TMEM65: variants seen among roughly 807,000 people sequenced by gnomAD.
TMEM65 encodes the protein transmembrane protein 65.
In TMEM65, 22 loss-of-function variants were observed where a neutral mutation model predicts 25.4. The observed-to-expected ratio is 0.86, with a 90% confidence interval of 0.62 to 1.23. The LOEUF is 1.23. TMEM65 is among the 50% of genes most tolerant of loss of function. The pLI, the probability that TMEM65 is intolerant of heterozygous loss-of-function variation, is 0.00. For synonymous variants in TMEM65, 132 were observed against 126.2 expected, an observed-to-expected ratio of 1.05 and a Z score of -0.31; for missense variants, 262 against 308.2, an observed-to-expected ratio of 0.85 and a Z score of 1.12.
At chr8:124,356,156 C>G (rs1814777889) in intron 1 of TMEM65, among the ~76,000 whole-genome samples, 1 of 152,088 alleles carries the variant, frequency 6.6e-6, no homozygotes, top group Non-Finnish European at 1.5e-5. Context: ...ATTACCCAGT[C>G]TCAGGTTATT....
At chr8:124,360,169 G>A (rs778850585) in intron 1 of TMEM65, among the ~76,000 whole-genome samples, 4 of 152,026 alleles carry the variant, frequency 2.6e-5, no homozygotes, top group African/African-American at 4.8e-5. Context: ...AGTGGCACAC[G>A]CCTGTAATCC....
intron 6 of TMEM65, among the ~76,000 whole-genome samples, chr8:124,317,939 G>A (rs948882533): frequency 3.9e-5 from 6 of 152,100 alleles, no homozygotes; most frequent in East Asian, 1.9e-4. Flanking sequence ...CACATTGGAA[G>A]AAGAAGAATT....
intron 1 of TMEM65, among the ~76,000 whole-genome samples, chr8:124,341,465 T>A (rs1314570193): frequency 6.6e-6 from 1 of 152,038 alleles, no homozygotes. Flanking sequence ...ACAGTAAGAA[T>A]TTCTTGGACT....
At chr8:124,366,658 G>A (rs1473514108) in intron 1 of TMEM65, among the ~76,000 whole-genome samples, 1 of 151,702 alleles carries the variant, frequency 6.6e-6, no homozygotes, top group Non-Finnish European at 1.5e-5. Context: ...CTCTGGACAT[G>A]TTATATGTAA....
At chr8:124,331,020 A>G (rs1265361340) in intron 1 of TMEM65, among the ~76,000 whole-genome samples, 1 of 151,988 alleles carries the variant, frequency 6.6e-6, no homozygotes, top group Non-Finnish European at 1.5e-5. Flanking sequence ...CAAGCTTAAC[A>G]TGGACTCTAG....
At chr8:124,348,999 A>C (rs1324786361) in intron 1 of TMEM65, among the ~76,000 whole-genome samples, 3 of 152,180 alleles carry the variant, frequency 2.0e-5, no homozygotes, top group African/African-American at 7.2e-5. Flanking sequence ...CAAATACCAG[A>C]AGCACACTCA....
At chr8:124,345,332 A>G (rs369359945) in intron 1 of TMEM65, among the ~76,000 whole-genome samples, 10 of 152,214 alleles carry the variant, frequency 6.6e-5, no homozygotes, top group African/African-American at 2.4e-4. Context: ...CTGGTTTGTC[A>G]CCAGTAAGCA....
intron 4 of TMEM65, 37 bp downstream of exon 4, chr8:124,323,284 G>A (rs1332519083): frequency 2.0e-5 from 23 of 1,164,470 alleles, no homozygotes; most frequent in Middle Eastern, 1.9e-4. Flanking sequence ...TTTTATAAGT[G>A]TACAATGAAA....
intron 1 of TMEM65, among the ~76,000 whole-genome samples, chr8:124,361,199 C>T (rs1283880310): frequency 6.7e-6 from 1 of 148,328 alleles, no homozygotes; most frequent in South Asian, 2.2e-4. Flanking sequence ...TTTGGGAGGC[C>T]GAGGCGGGTA....
At chr8:124,314,824 T>C (rs1028818335) in intron 6 of TMEM65, among the ~76,000 whole-genome samples, 4 of 151,650 alleles carry the variant, frequency 2.6e-5, no homozygotes, top group African/African-American at 9.7e-5. Context: ...TATGCCTAGA[T>C]AATTTTGTTA....
At chr8:124,350,324 T>C (rs1256627228) in intron 1 of TMEM65, among the ~76,000 whole-genome samples, 2 of 152,198 alleles carry the variant, frequency 1.3e-5, no homozygotes, top group Non-Finnish European at 2.9e-5. Flanking sequence ...CACTGTGTTA[T>C]ACTTCTTAGG....
chr8:124,327,229 A>G, intron 3 of TMEM65, 125 bp downstream of exon 3: 1 of 656,950 alleles, frequency 1.5e-6, no homozygotes, highest in Non-Finnish European at 2.6e-6. Flanking sequence ...TCTGAGATAT[A>G]GTAAAAAATA....
intron 4 of TMEM65, among the ~76,000 whole-genome samples, chr8:124,322,805 G>A (rs1044129603): frequency 2.0e-5 from 3 of 152,016 alleles, no homozygotes; most frequent in Admixed American, 6.6e-5. Context: ...AGACCATCCT[G>A]GCCAACATGG....
Position 124,322,110 on chromosome 8 carries a change from T to G in TMEM65, c.510A>C (p.Gly170=). ...GAATAAGTGAATGAACCTACCCAAG[T>G]CCAGCTAGATCTGACACAAGATTTC... ...ALGNLVSDLA[G]LGLAGYVEAL... Residue 170 remains glycine, a synonymous_variant, in exon 5 of 7, where the codon GGA becomes GGC. Coordinates refer to ENST00000297632, the MANE Select transcript of TMEM65 (RefSeq NM_194291.3). The G allele has an allele frequency of 6.2e-7, 1 of 1,606,904 alleles. No homozygotes were observed. Among genetic ancestry groups the G allele is most frequent in the Non-Finnish European group, 8.5e-7 (1 of 1,175,966 alleles).
chr8:124,351,268 A>G (rs965165047), intron 1 of TMEM65: 6 of 310,352 alleles, frequency 1.9e-5, no homozygotes, highest in African/African-American at 1.4e-4. Context: ...CATATAACTG[A>G]TAACGCAAAC....
intron 3 of TMEM65, among the ~76,000 whole-genome samples, chr8:124,326,517 C>A (rs561393531): frequency 2.0e-5 from 3 of 152,026 alleles, no homozygotes; most frequent in African/African-American, 7.2e-5. Context: ...AACCACACTG[C>A]CTTCTCGGAA....
intron 2 of TMEM65, among the ~76,000 whole-genome samples, chr8:124,328,805 T>G (rs1814397753): frequency 6.6e-6 from 1 of 152,096 alleles, no homozygotes; most frequent in Non-Finnish European, 1.5e-5. Context: ...CTTTTTTTCT[T>G]TTAATGCAGT....
rs1337791493 is a variant in TMEM65, at chr8:124,306,291, TC to T, written c.*7668del. ...AAAGAATACATATACATATTCTATTTCCCATTAAGCATTTGATCATGTTACA... is the reference window on the plus strand; with the variant it reads ...AAAGAATACATATACATATTCTATTTCCATTAAGCATTTGATCATGTTACA... On this transcript the variant is annotated 3_prime_UTR_variant, in exon 7 of 7. Transcript: ENST00000297632. The T allele has an allele frequency of 2.0e-5, 3 of 152,172 alleles. No homozygotes were observed. The highest frequency in any genetic ancestry group is 4.8e-5 in the African/African-American group (2 of 41,438). The allele number at this position is 152,172 out of a possible 1,614,324, so 9.4% of individuals were successfully genotyped here.
At chr8:124,332,293 CTCA>C (rs987736439) in intron 1 of TMEM65, among the ~76,000 whole-genome samples, 1 of 152,078 alleles carries the variant, frequency 6.6e-6, no homozygotes, top group African/African-American at 2.4e-5. Context: ...TTGCATTAGT[CTCA>C]TCATCACTAC....
Sources: gnomAD v4.1 joint callset for allele counts (sites outside exome capture counted in the v4.1 genomes callset) on GRCh38, gnomAD v4.1.1 for gene constraint, MANE v1.5 for transcripts, NCBI Gene and HGNC (gene_info 2026-07-23, HGNC 2026-07-21) for gene names.